The following NTM variants were observed in gnomAD, a reference collection of about 807,000 sequenced individuals.
NTM encodes the protein neurotrimin, also known as IgLON family member 2.
In NTM, 13 loss-of-function variants were observed where a neutral mutation model predicts 42.1. The observed-to-expected ratio is 0.31, with a 90% CI of 0.20 to 0.49. NTM has a LOEUF of 0.49. Among genes scored for constraint, NTM ranks in the 20% least tolerant of loss-of-function variants. The probability of loss-of-function intolerance (pLI) is 0.99; values close to 1 mark genes in which losing one functional copy is unlikely to be tolerated. For missense variants in NTM, 373 were observed against 452.8 expected (o/e 0.82, Z 1.60); for synonymous variants, 187 against 179.2 (o/e 1.04, Z -0.35).
At chr11:131,878,597 ATATATATATATATATATATATATATAT>A (rs2048948965) in intron 1 of NTM, among the ~76,000 whole-genome samples, 2 of 9,716 alleles carry the variant, frequency 2.1e-4, no homozygotes, top group African/African-American at 6.3e-4. Context: ...AAAAAAAAAT[ATATATATATATATATATATATATATAT>A]ATATATATAT....
At chr11:131,804,765 C>T (rs1431819910) in intron 1 of NTM, among the ~76,000 whole-genome samples, 2 of 152,156 alleles carry the variant, frequency 1.3e-5, no homozygotes, top group African/African-American at 2.4e-5. Flanking sequence ...GCTTAATCCC[C>T]ACTGTGCTGG....
intron 1 of NTM, among the ~76,000 whole-genome samples, chr11:131,574,304 C>A (rs566613352): frequency 2.0e-5 from 3 of 152,264 alleles, no homozygotes; most frequent in Admixed American, 2.0e-4. Context: ...TAAAAGCTGC[C>A]CTGAGTGTCC....
intron 1 of NTM, among the ~76,000 whole-genome samples, chr11:131,842,740 G>T (rs937579343): frequency 3.9e-5 from 6 of 152,180 alleles, no homozygotes; most frequent in African/African-American, 1.4e-4. Context: ...GGCAAGCAAA[G>T]TGGCTCATGC....
chr11:131,913,190 G>T (rs749969363), intron 2 of NTM, among the ~76,000 whole-genome samples: 42 of 152,196 alleles, frequency 2.8e-4, no homozygotes, highest in Non-Finnish European at 6.0e-4. Context: ...TAAATGTCTA[G>T]AGCAGTAATA....
At chr11:132,104,577 C>CA (rs1300363181) in intron 2 of NTM, among the ~76,000 whole-genome samples, 1 of 30,080 alleles carries the variant, frequency 3.3e-5, no homozygotes, top group Non-Finnish European at 7.4e-5. Context: ...CATAGTGGGA[C>CA]CCCCCCCCAC....
chr11:132,219,768 A>G (rs1288074324), intron 4 of NTM, among the ~76,000 whole-genome samples: 1 of 152,102 alleles, frequency 6.6e-6, no homozygotes, highest in Non-Finnish European at 1.5e-5. Context: ...CCATAACAAC[A>G]CATAGTATGT....
intron 2 of NTM, among the ~76,000 whole-genome samples, chr11:132,104,937 G>GTATGTATA (rs1555263301): frequency 1.6e-5 from 1 of 61,822 alleles, no homozygotes; most frequent in African/African-American, 6.0e-5. Context: ...ATATACATAT[G>GTATGTATA]TATATATATA....
intron 2 of NTM, among the ~76,000 whole-genome samples, chr11:131,984,935 G>A (rs2065832072): frequency 1.3e-5 from 2 of 152,192 alleles, no homozygotes; most frequent in African/African-American, 4.8e-5. Flanking sequence ...TGCCACGAAG[G>A]TGAGGCCTTT....
intron 2 of NTM, among the ~76,000 whole-genome samples, chr11:132,035,559 T>A (rs1221620271): frequency 1.3e-5 from 2 of 152,160 alleles, no homozygotes; most frequent in Non-Finnish European, 2.9e-5. Flanking sequence ...AATGCCACAA[T>A]AGTGATGTTT....
chr11:132,227,356 T>C (rs930637252), intron 4 of NTM, among the ~76,000 whole-genome samples: 18 of 152,270 alleles, frequency 1.2e-4, no homozygotes, highest in Non-Finnish European at 2.4e-4. Context: ...ATGAAGACGG[T>C]AGATAAAAGA....
Position 131,852,837 on chromosome 11 carries a change from C to G in NTM, c.83-58727C>G, listed in dbSNP as rs76708905. The stretch of plus-strand genomic sequence containing the variant: ...CATCAATTCATCTTCTATTCACCCA[C>G]CCATCCATCCACCCATCCATCTATC... On this transcript the variant is annotated intron_variant, in intron 1 of 8. Transcript: ENST00000683400. 2.8e-3 allele frequency among the ~76,000 whole-genome samples: 423 copies of G among 151,280 alleles called. 2 individuals are homozygous for G. The highest frequency in any genetic ancestry group is 9.7e-3 in the African/African-American group (401 of 41,148).
At chr11:131,375,254 T>C (rs1941805308) in intron 1 of NTM, among the ~76,000 whole-genome samples, 1 of 152,202 alleles carries the variant, frequency 6.6e-6, no homozygotes, top group Non-Finnish European at 1.5e-5. Context: ...TAAGGACTCA[T>C]TAATGCTTGT....
At chr11:131,951,107 G>A (rs1224493529) in intron 2 of NTM, among the ~76,000 whole-genome samples, 3 of 152,096 alleles carry the variant, frequency 2.0e-5, no homozygotes, top group Non-Finnish European at 2.9e-5. Flanking sequence ...TTTAGTAATG[G>A]GCCAGCATCT....
At chr11:132,027,292 T>C (rs1321509477) in intron 2 of NTM, among the ~76,000 whole-genome samples, 3 of 152,194 alleles carry the variant, frequency 2.0e-5, no homozygotes, top group African/African-American at 7.2e-5. Context: ...CTGATCTGAA[T>C]CTCTGATTGA....
chr11:132,110,067 A>G (rs1344243767), intron 2 of NTM, among the ~76,000 whole-genome samples: 2 of 152,226 alleles, frequency 1.3e-5, no homozygotes, highest in African/African-American at 2.4e-5. Flanking sequence ...CTCTAGCCCA[A>G]TGCCCTGTGT....
chr11:131,826,366 C>G lies in NTM; in HGVS notation c.83-85198C>G, dbSNP rs568568275. ...GAGCTAGAGGTAAAATTGACAAATG[C>G]CATGAGTCCCAGAAAAGCAATTTTA... On this transcript the variant is annotated intron_variant, in intron 1 of 8. Transcript: ENST00000683400. Among the ~76,000 whole-genome samples, 74 of 151,978 alleles carry G rather than the reference C, an allele frequency of 4.9e-4. No homozygotes were observed. The Middle Eastern group carries it at 0.017, about 35-fold the overall frequency.
rs149315632 is a variant in NTM at position 131,771,365 on chromosome 11, G to A, written c.83-140199G>A. 253 of 152,248 alleles carry A rather than the reference G, an allele frequency of 1.7e-3. 1 individual carries two copies. The highest frequency in any genetic ancestry group is 5.7e-3 in the African/African-American group (236 of 41,546). The allele number at this position is 152,248 out of a possible 1,614,324, so 9.4% of individuals were successfully genotyped here. ...ATAGGTTTGGAAATGAAGATGCCAG[G>A]GTTTTAGTCATAATTGTCACAGAAT... On this transcript the variant is annotated intron_variant, in intron 1 of 8. Transcript: ENST00000683400.
At chr11:132,174,235 C>T (rs1250310376) in intron 3 of NTM, among the ~76,000 whole-genome samples, 2 of 152,190 alleles carry the variant, frequency 1.3e-5, no homozygotes, top group Non-Finnish European at 2.9e-5. Context: ...CAAACTTATA[C>T]AGGACACTTA....
intron 2 of NTM, among the ~76,000 whole-genome samples, chr11:131,937,609 C>G (rs1412733320): frequency 6.6e-6 from 1 of 152,200 alleles, no homozygotes; most frequent in Non-Finnish European, 1.5e-5. Context: ...AAAGTGACTT[C>G]TGGAATCATT....
Sources: gnomAD v4.1 joint callset for allele counts (sites outside exome capture counted in the v4.1 genomes callset) on GRCh38, gnomAD v4.1.1 for gene constraint, MANE v1.5 for transcripts, NCBI Gene and HGNC (gene_info 2026-07-23, HGNC 2026-07-21) for gene names.